OTC: variants seen among roughly 807,000 people sequenced by gnomAD.
The protein encoded by OTC is ornithine transcarbamylase, mitochondrial.
OTC carries 3 observed loss-of-function variants against 30.3 expected under a neutral mutation model. The observed-to-expected ratio is 0.10, with a 90% confidence interval of 0.05 to 0.26. The LOEUF (loss-of-function observed/expected upper bound fraction) is 0.26. OTC is among the 10% of genes least tolerant of loss of function. The pLI, the probability that OTC is intolerant of heterozygous loss-of-function variation, is 1.00. For missense variants in OTC, 194 were observed against 260.3 expected (o/e 0.75, Z 1.75); for synonymous variants, 111 against 99.7 (o/e 1.11, Z -0.67).
the OTC span, among the ~76,000 whole-genome samples, chrX:38,339,555 C>T: frequency 2.8e-5 from 3 of 106,085 alleles, no homozygotes; most frequent in African/African-American, 3.4e-5. Flanking sequence ...TGCTCCTCTC[C>T]CTCCTCCTAC....
chrX:38,370,377 A>C (rs1047568717), intron 3 of OTC, among the ~76,000 whole-genome samples: 5 of 111,748 alleles, frequency 4.5e-5, no homozygotes, highest in African/African-American at 1.6e-4. Context: ...ATGTCAAGAC[A>C]TGTAGGGGTA....
intron 5 of OTC, among the ~76,000 whole-genome samples, 162 bp from the exon 6 acceptor site, chrX:38,403,456 C>T (rs747742736): frequency 4.6e-4 from 51 of 111,798 alleles, no homozygotes; most frequent in Non-Finnish European, 9.0e-4. Context: ...ATTGTACATT[C>T]ATATTATTGA....
chrX:38,412,262 C>G (rs1245694942), intron 9 of OTC, among the ~76,000 whole-genome samples: 1 of 111,904 alleles, frequency 8.9e-6, no homozygotes, highest in Non-Finnish European at 1.9e-5. Flanking sequence ...GCCTGAGCAC[C>G]AGCCACCAGT....
intron 4 of OTC, among the ~76,000 whole-genome samples, chrX:38,400,285 T>C (rs185368950): frequency 1.8e-5 from 2 of 111,250 alleles, no homozygotes; most frequent in African/African-American, 6.5e-5. Context: ...AAAAATCTGA[T>C]CTTTAAGTCT....
the OTC span, among the ~76,000 whole-genome samples, chrX:38,343,870 A>G: frequency 8.9e-6 from 1 of 112,281 alleles, no homozygotes; most frequent in Admixed American, 9.4e-5. Flanking sequence ...CTCAATTGAA[A>G]GGGTATGGCA....
chrX:38,333,908 T>G, the OTC span, among the ~76,000 whole-genome samples: 1 of 112,394 alleles, frequency 8.9e-6, no homozygotes, highest in African/African-American at 3.2e-5. Flanking sequence ...CTAAACTTTT[T>G]TAGTGCAGTT....
At chrX:38,366,148 T>A (rs2068294868) in intron 1 of OTC, among the ~76,000 whole-genome samples, 1 of 111,599 alleles carries the variant, frequency 9.0e-6, no homozygotes, top group African/African-American at 3.3e-5. Context: ...TTGGCTTCAC[T>A]TAGAGGAACT....
At chrX:38,369,749 T>C in intron 2 of OTC, 47 bp from the exon 3 acceptor site, 1 of 650,974 alleles carries the variant, frequency 1.5e-6, no homozygotes, top group South Asian at 3.3e-5. Context: ...AAAACATAAT[T>C]TATATATAAG....
At chrX:38,416,104 GCC>G (rs1299167326) in intron 9 of OTC, among the ~76,000 whole-genome samples, 1 of 111,718 alleles carries the variant, frequency 9.0e-6, no homozygotes. Flanking sequence ...CCACAATGTC[GCC>G]CTCCAGTTCT....
At chrX:38,413,677 T>G (rs1213839246) in intron 9 of OTC, among the ~76,000 whole-genome samples, 75 of 106,733 alleles carry the variant, frequency 7.0e-4, no homozygotes, top group African/African-American at 2.5e-3. Context: ...TTTTTTTTTT[T>G]GTTTTTTTTT....
intron 9 of OTC, among the ~76,000 whole-genome samples, chrX:38,417,003 G>A (rs747864630): frequency 1.8e-5 from 2 of 111,985 alleles, no homozygotes; most frequent in South Asian, 7.5e-4. Context: ...TTACTGTTGA[G>A]CAAGATCTTC....
intron 3 of OTC, among the ~76,000 whole-genome samples, chrX:38,380,763 C>G (rs985542741): frequency 9.0e-6 from 1 of 111,577 alleles, no homozygotes; most frequent in Non-Finnish European, 1.9e-5. Context: ...GAGTCTTGCT[C>G]TGTTGCTCAG....
At chrX:38,350,340 C>T (rs2068208064), upstream of OTC, among the ~76,000 whole-genome samples, 2 of 111,889 alleles carry the variant, frequency 1.8e-5, no homozygotes, top group Admixed American at 1.9e-4. Context: ...CTTATGATGG[C>T]TGCACAATTG....
intron 3 of OTC, among the ~76,000 whole-genome samples, chrX:38,379,300 G>A (rs150181218): frequency 0.022 from 2,454 of 111,662 alleles, 66 homozygotes; most frequent in African/African-American, 0.076. Context: ...CCTATGGCAA[G>A]GCCTAGGGCT....
chrX:38,338,587 T>C, the OTC span, among the ~76,000 whole-genome samples: 11 of 112,415 alleles, frequency 9.8e-5, no homozygotes, highest in African/African-American at 3.6e-4. Flanking sequence ...GCCCCCTTCC[T>C]TTTTTTGTTT....
At position 38,389,402 on chromosome X, in the gene OTC, TA is replaced by T. The variant is rs397753538; in HGVS notation, c.386+7983del. On this transcript the variant is annotated intron_variant, in intron 4 of 9. Coordinates refer to ENST00000039007, the MANE Select transcript of OTC (RefSeq NM_000531.6). ...ATTGTCATATTAAAAGGAATATTTA[TA>T]AAAAAAAAAGCTGGAATACTGTTAT... Among the ~76,000 whole-genome samples, 6 of 103,867 alleles carry T rather than the reference TA, an allele frequency of 5.8e-5. No homozygotes were observed. In the East Asian group the frequency reaches 9.1e-4, roughly 16 times the overall value. 90.2% of individuals were successfully genotyped at this position (103,867 alleles called of 115,157 possible).
chrX:38,348,539 T>TTC (rs2068199822), upstream of OTC, among the ~76,000 whole-genome samples: 1 of 56,834 alleles, frequency 1.8e-5, no homozygotes, highest in Non-Finnish European at 3.5e-5. Context: ...AACTTTTTTT[T>TTC]TCTTTTTTTT....
At chrX:38,348,016 C>A (rs1037810996), upstream of OTC, among the ~76,000 whole-genome samples, 3 of 112,305 alleles carry the variant, frequency 2.7e-5, no homozygotes, top group Non-Finnish European at 5.6e-5. Context: ...TTTATATCCC[C>A]AATAGCAACA....
intron 5 of OTC, 85 bp downstream of exon 5, chrX:38,401,513 G>T: frequency 1.3e-6 from 1 of 753,928 alleles, no homozygotes; most frequent in Non-Finnish European, 2.1e-6. Flanking sequence ...TTAAATCATG[G>T]TATTGGTGTT....
Sources: allele counts gnomAD v4.1 joint callset (sites outside exome capture counted in the v4.1 genomes callset), GRCh38; gene constraint gnomAD v4.1.1; transcripts MANE v1.5; gene names NCBI Gene and HGNC (gene_info 2026-07-23, HGNC 2026-07-21).